VIP: variants seen among roughly 807,000 people sequenced by gnomAD.
The protein encoded by VIP is vasoactive intestinal peptide, also known as VIP peptides.
Under a neutral mutation model 20.1 loss-of-function variants are expected in VIP, and 18 were observed. That is an observed-to-expected ratio of 0.90 (90% CI 0.62 to 1.33). VIP has a LOEUF of 1.33. Among genes scored for constraint, VIP ranks in the 40% most tolerant of loss-of-function variants. The probability of loss-of-function intolerance (pLI) is 0.00; values close to 1 mark genes in which losing one functional copy is unlikely to be tolerated. For synonymous variants in VIP, 70 were observed against 68.1 expected (o/e 1.03, Z -0.14); for missense variants, 209 against 199.4 (o/e 1.05, Z -0.29).
At chr6:152,754,314 C>A in intron 3 of VIP, 26 bp downstream of exon 3, 1 of 1,575,488 alleles carries the variant, frequency 6.3e-7, no homozygotes, top group Non-Finnish European at 8.6e-7. Context: ...TAAAACTATC[C>A]AATGAGTTTT....
chr6:152,754,124 T>C (rs1353839991), intron 2 of VIP, 42 bp from the exon 3 acceptor site: 4 of 1,589,850 alleles, frequency 2.5e-6, no homozygotes, highest in African/African-American at 1.3e-5. Context: ...CACTGTCTTC[T>C]GAAAAAAGAA....
At position 152,759,063 on chromosome 6, in the gene VIP, T is replaced by C. The variant is rs147542361; in HGVS notation, c.*197T>C. 4 of 152,462 alleles carry C rather than the reference T, an allele frequency of 2.6e-5. No homozygotes were observed. The highest frequency in any genetic ancestry group is 7.2e-5 in the African/African-American group (3 of 41,448). The allele number at this position is 152,462 out of a possible 1,614,324, so 9.4% of individuals were successfully genotyped here. On this transcript the variant is annotated 3_prime_UTR_variant, in exon 7 of 7. Transcript: ENST00000367244. ...TAATGTAATAACTGTGAAGTTTACA[T>C]TGTAAATAGTATTTGAGAGTTCTAA...
intron 6 of VIP, among the ~76,000 whole-genome samples, chr6:152,758,536 T>A (rs1322930990): frequency 6.6e-6 from 1 of 152,078 alleles, no homozygotes; most frequent in Non-Finnish European, 1.5e-5. Context: ...GGAGAATTGA[T>A]TAATCACACT....
In VIP at chr6:152,757,196, C is replaced by A. The variant is rs1319021911; in HGVS notation, c.*43+12C>A. On this transcript the variant is annotated intron_variant, in intron 6 of 6. Transcript: ENST00000367244. ...ACAACTTCCCAGTGGTGGGTATATTCGTGCATTCCTTCTGTATTCTTATGG... is the reference window on the plus strand; with the variant it reads ...ACAACTTCCCAGTGGTGGGTATATTAGTGCATTCCTTCTGTATTCTTATGG... 6.5e-7 allele frequency: 1 copy of A among 1,537,436 alleles called. No individual in the cohort carries two copies. Among genetic ancestry groups the A allele is most frequent in the Non-Finnish European group, 9.0e-7 (1 of 1,115,414 alleles).
At chr6:152,754,388 G>A (rs575990398) in intron 3 of VIP, 100 bp downstream of exon 3, 171 of 1,170,358 alleles carry the variant, frequency 1.5e-4, no homozygotes, top group East Asian at 2.5e-4. Flanking sequence ...AAGCTATTCC[G>A]ATAGCAAAAC....
intron 5 of VIP, 80 bp downstream of exon 5, chr6:152,756,345 T>A: frequency 6.8e-7 from 1 of 1,464,724 alleles, no homozygotes; most frequent in Non-Finnish European, 9.2e-7. Flanking sequence ...GACCTCTCTA[T>A]CTCACTTATC....
chr6:152,756,703 A>G (rs2099730477), intron 5 of VIP, among the ~76,000 whole-genome samples: 1 of 152,048 alleles, frequency 6.6e-6, no homozygotes, highest in Admixed American at 6.6e-5. Context: ...AATCAAATTA[A>G]ACCATTAGGT....
Position 152,757,154 on chromosome 6 carries a change from T to C in VIP, c.*13T>C, listed in dbSNP as rs375846496. 6.2e-6 allele frequency: 10 copies of C among 1,611,026 alleles called. No homozygotes were observed. The highest frequency in any genetic ancestry group is 1.7e-4 in the Middle Eastern group (1 of 6,042). On this transcript the variant is annotated 3_prime_UTR_variant, in exon 6 of 7. Transcript: ENST00000367244. ...GTTAGAAAAATGATGAAAAAGACCTTTGGAGCAAAGCTGATGACAACTTCC... is the reference window on the plus strand; with the variant it reads ...GTTAGAAAAATGATGAAAAAGACCTCTGGAGCAAAGCTGATGACAACTTCC...
At chr6:152,757,999 G>C (rs1293567047) in intron 6 of VIP, among the ~76,000 whole-genome samples, 1 of 151,890 alleles carries the variant, frequency 6.6e-6, no homozygotes, top group Non-Finnish European at 1.5e-5. Flanking sequence ...ATTTTAAAGG[G>C]CTATGGAGTA....
At chr6:152,757,280 A>G in intron 6 of VIP, 96 bp downstream of exon 6, 1 of 764,062 alleles carries the variant, frequency 1.3e-6, no homozygotes, top group Non-Finnish European at 2.1e-6. Flanking sequence ...TTAGGGTTAA[A>G]TAGTTTCTCA....
intron 5 of VIP, among the ~76,000 whole-genome samples, chr6:152,756,655 T>C (rs2099730468): frequency 6.6e-6 from 1 of 152,138 alleles, no homozygotes; most frequent in African/African-American, 2.4e-5. Context: ...TGGTAACACA[T>C]GGAACTCACT....
intron 2 of VIP, among the ~76,000 whole-genome samples, chr6:152,752,662 G>T (rs2099729827): frequency 1.3e-5 from 2 of 152,098 alleles, no homozygotes; most frequent in African/African-American, 2.4e-5. Flanking sequence ...AACCACATTT[G>T]AGTTTATTTT....
At position 152,752,226 on chromosome 6, in the gene VIP, A is replaced by G; in HGVS notation, c.49A>G (p.Ser17Gly). 6.2e-7 allele frequency: 1 copy of G among 1,613,604 alleles called. No individual in the cohort carries two copies. The highest frequency in any genetic ancestry group is 8.5e-7 in the Non-Finnish European group (1 of 1,179,656). The change falls in exon 2 of 7, where the codon AGT (serine) becomes GGT (glycine). Residue 17 changes from serine to glycine, a missense_variant. Transcript: ENST00000367244. The part of the protein sequence containing the change: ...AQLLVLLTLL[S>G]VLFSQTSAWP... ...GCTCCTTGTGCTCCTGACTCTTCTC[A>G]GTGTGCTCTTCTCACAGACTTCGGC...
At chr6:152,757,670 A>C (rs1377744047) in intron 6 of VIP, among the ~76,000 whole-genome samples, 1 of 151,958 alleles carries the variant, frequency 6.6e-6, no homozygotes, top group African/African-American at 2.4e-5. Context: ...GGGTCTAACT[A>C]TATTCCTTGA....
At chr6:152,751,926 A>C (rs2099729709) in intron 1 of VIP, among the ~76,000 whole-genome samples, 1 of 152,192 alleles carries the variant, frequency 6.6e-6, no homozygotes, top group Non-Finnish European at 1.5e-5. Context: ...TTCAATAGAT[A>C]CTGGGGCCAA....
intron 2 of VIP, among the ~76,000 whole-genome samples, chr6:152,752,491 T>C (rs982713118): frequency 7.2e-5 from 11 of 151,924 alleles, no homozygotes; most frequent in African/African-American, 2.4e-4. Flanking sequence ...ACACTGTCAG[T>C]TATTAGTTTT....
At chr6:152,754,704 G>C (rs887879752) in intron 3 of VIP, among the ~76,000 whole-genome samples, 1 of 151,906 alleles carries the variant, frequency 6.6e-6, no homozygotes, top group African/African-American at 2.4e-5. Flanking sequence ...AGACCAAGTA[G>C]CTCTATAGTA....
At position 152,756,411 on chromosome 6, in the gene VIP, G is replaced by A. The variant is rs527452258; in HGVS notation, c.467+146G>A. The A allele has an allele frequency of 3.3e-5, 31 of 931,780 alleles. No homozygotes were observed. The East Asian group carries it at 4.5e-4, about 14-fold the overall frequency. 57.7% of individuals were successfully genotyped at this position (931,780 alleles called of 1,614,324 possible). On this transcript the variant is annotated intron_variant, in intron 5 of 6. Transcript: ENST00000367244. ...ACCTTGGCTGACATTAGACTACCCC[G>A]CAGAACTTTAAAAATACAGATGTCT...
At chr6:152,753,133 T>A (rs1473300955) in intron 2 of VIP, among the ~76,000 whole-genome samples, 2 of 152,200 alleles carry the variant, frequency 1.3e-5, no homozygotes, top group Non-Finnish European at 1.5e-5. Flanking sequence ...TAGCTATTAG[T>A]GTTCTCTGTG....
Sources: gnomAD v4.1 joint callset for allele counts (sites outside exome capture counted in the v4.1 genomes callset) on GRCh38, gnomAD v4.1.1 for gene constraint, MANE v1.5 for transcripts, NCBI Gene and HGNC (gene_info 2026-07-23, HGNC 2026-07-21) for gene names.